Variants in SLC4A5 observed in about 807,000 individuals in gnomAD.
The protein encoded by SLC4A5 is solute carrier family 4 member 5, also known as electrogenic sodium bicarbonate cotransporter 4.
In SLC4A5, 96 loss-of-function variants were observed where a neutral mutation model predicts 120.4. The observed-to-expected ratio is 0.80, with a 90% CI of 0.68 to 0.94. The LOEUF (loss-of-function observed/expected upper bound fraction) is 0.94, where lower values mean the gene tolerates loss of function less well. Among genes scored for constraint, SLC4A5 ranks in the 40% least tolerant of loss-of-function variants. The pLI is 0.00. For missense variants in SLC4A5, 1,259 were observed against 1,459.5 expected, an observed-to-expected ratio of 0.86 and a Z score of 2.24; for synonymous variants, 550 against 571.1, an observed-to-expected ratio of 0.96 and a Z score of 0.53.
At chr2:74,248,621 A>C in intron 17 of SLC4A5, 135 bp from the exon 18 acceptor site, 8 of 1,019,310 alleles carry the variant, frequency 7.8e-6, no homozygotes, top group East Asian at 2.7e-5. Flanking sequence ...TCCTCCCTAA[A>C]TCCTGTTCTC....
chr2:74,222,900 G>C lies in SLC4A5; in HGVS notation c.3299C>G (p.Ser1100Ter), dbSNP rs1694703606. 1 of 1,613,524 alleles carries C rather than the reference G, an allele frequency of 6.2e-7. No homozygotes were observed. Among genetic ancestry groups the C allele is most frequent in the Admixed American group, 1.7e-5 (1 of 59,964 alleles). ...GCAGTGGATACCGTTTTGGGGATCT[G>C]ATTGGACACTTTCCATGGGAATCTT... Residue 1100 changes from serine (S) to a stop codon, truncating the protein, a stop_gained, in exon 29 of 31, where the codon TCA becomes TGA. Transcript: ENST00000394019. LOFTEE classifies it high-confidence loss of function.
intron 10 of SLC4A5, 89 bp from the exon 11 acceptor site, chr2:74,262,321 C>A: frequency 1.1e-6 from 1 of 900,874 alleles, no homozygotes; most frequent in Non-Finnish European, 1.7e-6. Context: ...CTAAATAAAA[C>A]TGGGTGGCAA....
chr2:74,328,162 G>A (rs943995974), exon 5 of SLC4A5: 138 of 985,768 alleles, frequency 1.4e-4, no homozygotes, highest in Non-Finnish European at 1.6e-4. Flanking sequence ...AAATCCCAGG[G>A]AGGCCAGAAC....
At chr2:74,300,642 C>T (rs1672452581) in intron 7 of SLC4A5, among the ~76,000 whole-genome samples, 1 of 152,180 alleles carries the variant, frequency 6.6e-6, no homozygotes, top group African/African-American at 2.4e-5. Flanking sequence ...GGCCTATGTG[C>T]TCCTGTTTCT....
intron 5 of SLC4A5, among the ~76,000 whole-genome samples, chr2:74,315,408 C>T (rs1418808487): frequency 6.8e-6 from 1 of 146,212 alleles, no homozygotes; most frequent in East Asian, 2.1e-4. Flanking sequence ...CCACTGCATA[C>T]CAGCCGGGGG....
intron 4 of SLC4A5, among the ~76,000 whole-genome samples, chr2:74,330,235 AGATGGT>A (rs1558917179): frequency 6.6e-6 from 1 of 151,330 alleles, no homozygotes; most frequent in African/African-American, 2.4e-5. Context: ...GGTGAGGTGT[AGATGGT>A]GATGGTGATG....
At chr2:74,247,583 T>C (rs751274270) in intron 18 of SLC4A5, among the ~76,000 whole-genome samples, 6 of 152,030 alleles carry the variant, frequency 3.9e-5, no homozygotes, top group Non-Finnish European at 8.8e-5. Flanking sequence ...GGCGTGATCT[T>C]GGCTCACTGC....
chr2:74,331,308 AGGTGTGT>A (rs1172179395), intron 4 of SLC4A5, among the ~76,000 whole-genome samples: 1 of 148,400 alleles, frequency 6.7e-6, no homozygotes, highest in Admixed American at 6.7e-5. Context: ...GTCTAGATGG[AGGTGTGT>A]GGTTTAGGTG....
At chr2:74,239,403 A>G in exon 21 of SLC4A5, 1 of 1,614,214 alleles carries the variant, frequency 6.2e-7, no homozygotes, top group East Asian at 2.2e-5. Context: ...GTCCCAAAGA[A>G]AAGGATGAAG....
intron 4 of SLC4A5, among the ~76,000 whole-genome samples, chr2:74,329,125 A>AC (rs1673287933): frequency 6.6e-6 from 1 of 152,158 alleles, no homozygotes; most frequent in South Asian, 2.1e-4. Context: ...AGAAAATGAT[A>AC]GAGGCAGAGG....
At chr2:74,247,577 T>C (rs1040890802) in intron 18 of SLC4A5, among the ~76,000 whole-genome samples, 3 of 151,952 alleles carry the variant, frequency 2.0e-5, no homozygotes, top group Non-Finnish European at 4.4e-5. Context: ...TGCAATGGCG[T>C]GATCTTGGCT....
At chr2:74,291,257 C>T (rs1672158464) in intron 7 of SLC4A5, among the ~76,000 whole-genome samples, 1 of 152,240 alleles carries the variant, frequency 6.6e-6, no homozygotes, top group Non-Finnish European at 1.5e-5. Flanking sequence ...AGGTAAACTC[C>T]ACTGGGGAAT....
intron 23 of SLC4A5, among the ~76,000 whole-genome samples, chr2:74,232,865 T>C (rs1298212428): frequency 6.6e-6 from 1 of 152,098 alleles, no homozygotes; most frequent in Non-Finnish European, 1.5e-5. Flanking sequence ...AAGAGAGGGA[T>C]GTTCAAGCTT....
chr2:74,316,708 A>T (rs148553173), intron 5 of SLC4A5, among the ~76,000 whole-genome samples: 1 of 152,350 alleles, frequency 6.6e-6, no homozygotes, highest in Non-Finnish European at 1.5e-5. Flanking sequence ...CTAAGCAAGC[A>T]CTGGCCTTGA....
intron 5 of SLC4A5, among the ~76,000 whole-genome samples, chr2:74,320,707 G>A (rs761155319): frequency 2.6e-5 from 4 of 152,166 alleles, no homozygotes; most frequent in South Asian, 2.1e-4. Context: ...TCTGGGAAAC[G>A]GGATTCACCA....
chr2:74,336,486 A>C (rs1391524561), intron 3 of SLC4A5, among the ~76,000 whole-genome samples: 4 of 152,202 alleles, frequency 2.6e-5, no homozygotes, highest in Non-Finnish European at 5.9e-5. Flanking sequence ...TAAAATGGGA[A>C]TGATAGCAGC....
intron 7 of SLC4A5, among the ~76,000 whole-genome samples, chr2:74,302,638 C>G (rs10207240): frequency 0.039 from 5,982 of 152,186 alleles, 401 homozygotes; most frequent in African/African-American, 0.14. Flanking sequence ...TATGCCAAAG[C>G]GTTCTACATT....
At chr2:74,239,380 G>A in exon 21 of SLC4A5, 1 of 1,614,190 alleles carries the variant, frequency 6.2e-7, no homozygotes, top group South Asian at 1.1e-5. Context: ...TCAGGGTCAG[G>A]GTCATGGAGT....
intron 8 of SLC4A5, among the ~76,000 whole-genome samples, chr2:74,269,435 G>T (rs1671405685): frequency 6.6e-6 from 1 of 152,006 alleles, no homozygotes; most frequent in South Asian, 2.1e-4. Flanking sequence ...GTTTCATTAT[G>T]TTGGTCAGGC....
Sources: allele counts gnomAD v4.1 joint callset (sites outside exome capture counted in the v4.1 genomes callset), GRCh38; gene constraint gnomAD v4.1.1; transcripts MANE v1.5; gene names NCBI Gene and HGNC (gene_info 2026-07-23, HGNC 2026-07-21).